MACROD2: variants seen among roughly 807,000 people sequenced by gnomAD.
MACROD2 encodes mono-ADP ribosylhydrolase 2.
A neutral mutation model predicts 70.4 loss-of-function variants in MACROD2; 36 were observed. That is an observed-to-expected ratio of 0.51 (90% CI 0.39 to 0.68). The LOEUF (loss-of-function observed/expected upper bound fraction) is 0.68. Ranked by LOEUF, MACROD2 falls within the 30% of genes least tolerant of loss-of-function variation. The pLI is 0.00. For missense variants in MACROD2, 496 were observed against 538.4 expected (o/e 0.92, Z 0.78); for synonymous variants, 172 against 178.8 (o/e 0.96, Z 0.30).
intron 3 of MACROD2, among the ~76,000 whole-genome samples, chr20:14,467,113 C>T (rs2084461582): frequency 6.6e-6 from 1 of 152,182 alleles, no homozygotes; most frequent in African/African-American, 2.4e-5. Context: ...TTTTGTTTGT[C>T]TGTGCCCTGC....
At chr20:15,697,938 A>C (rs2050399450) in intron 8 of MACROD2, among the ~76,000 whole-genome samples, 2 of 152,130 alleles carry the variant, frequency 1.3e-5, no homozygotes, top group South Asian at 2.1e-4. Context: ...CTTTAAGTTT[A>C]TGTGAGTCCT....
intron 8 of MACROD2, among the ~76,000 whole-genome samples, chr20:15,554,695 A>C (rs1160801587): frequency 6.6e-6 from 1 of 152,178 alleles, no homozygotes; most frequent in Non-Finnish European, 1.5e-5. Context: ...TATTATTTTT[A>C]AATTTCTTCT....
intron 3 of MACROD2, among the ~76,000 whole-genome samples, chr20:14,107,601 A>G (rs2054387399): frequency 6.6e-6 from 1 of 152,162 alleles, no homozygotes; most frequent in Non-Finnish European, 1.5e-5. Flanking sequence ...CAAACTCCCC[A>G]AAGTCAAAGA....
chr20:15,523,421 G>T (rs2146533518), intron 8 of MACROD2, among the ~76,000 whole-genome samples: 1 of 152,292 alleles, frequency 6.6e-6, no homozygotes, highest in Non-Finnish European at 1.5e-5. Flanking sequence ...GAATGCTGTT[G>T]GAAGGGCCTA....
intron 3 of MACROD2, among the ~76,000 whole-genome samples, chr20:14,187,099 T>G (rs1158447609): frequency 1.8e-5 from 2 of 108,222 alleles, no homozygotes; most frequent in African/African-American, 7.5e-5. Flanking sequence ...ACCCCGAACC[T>G]AAACTAAAAG....
chr20:14,547,889 T>G (rs1351237267), intron 4 of MACROD2, among the ~76,000 whole-genome samples: 1 of 152,162 alleles, frequency 6.6e-6, no homozygotes, highest in Non-Finnish European at 1.5e-5. Context: ...CTAATCATCC[T>G]GCAGTCTCGT....
chr20:15,923,749 T>C (rs73103558), intron 10 of MACROD2, among the ~76,000 whole-genome samples: 22,018 of 151,300 alleles, frequency 0.15, 1,715 homozygotes, highest in South Asian at 0.28. Flanking sequence ...AAGAGCTTCC[T>C]GTGCCTAAAA....
intron 3 of MACROD2, among the ~76,000 whole-genome samples, chr20:14,386,688 G>T (rs1286545866): frequency 6.6e-6 from 1 of 152,044 alleles, no homozygotes; most frequent in African/African-American, 2.4e-5. Context: ...GTTTCCTAAG[G>T]TCTCATCAGG....
At chr20:15,886,854 C>T (rs1374299282) in intron 10 of MACROD2, among the ~76,000 whole-genome samples, 1 of 152,028 alleles carries the variant, frequency 6.6e-6, no homozygotes, top group Non-Finnish European at 1.5e-5. Context: ...AGATAACATA[C>T]CTAAAGTTTC....
chr20:15,081,440 T>G (rs2075702888), intron 5 of MACROD2, among the ~76,000 whole-genome samples: 1 of 152,148 alleles, frequency 6.6e-6, no homozygotes, highest in East Asian at 1.9e-4. Flanking sequence ...TTAAATTTAT[T>G]TTTTCTGCTA....
chr20:15,975,334 C>G (rs6131751), intron 13 of MACROD2, among the ~76,000 whole-genome samples: 1 of 151,878 alleles, frequency 6.6e-6, no homozygotes, highest in Admixed American at 6.6e-5. Flanking sequence ...TTGGGAAAAC[C>G]TAATAAAAGG....
chr20:14,245,329 C>T (rs1296310781), intron 3 of MACROD2, among the ~76,000 whole-genome samples: 1 of 149,270 alleles, frequency 6.7e-6, no homozygotes, highest in Non-Finnish European at 1.5e-5. Flanking sequence ...TGCCACTGCA[C>T]TCCAGCCTGG....
intron 5 of MACROD2, among the ~76,000 whole-genome samples, chr20:14,885,014 G>A (rs1379072522): frequency 6.6e-6 from 1 of 152,068 alleles, no homozygotes; most frequent in Non-Finnish European, 1.5e-5. Flanking sequence ...CCAGGACATG[G>A]AACATACATC....
chr20:14,814,596 A>G (rs549069193), intron 5 of MACROD2, among the ~76,000 whole-genome samples: 2 of 152,160 alleles, frequency 1.3e-5, no homozygotes, highest in African/African-American at 4.8e-5. Flanking sequence ...GCCCTAAAAT[A>G]TGGAATATTT....
In MACROD2 at chr20:14,453,398, G is replaced by A. The variant is rs138421110; in HGVS notation, c.272-40081G>A. 1.5e-3 allele frequency among the ~76,000 whole-genome samples: 228 copies of A among 152,208 alleles called. 2 individuals carry two copies. Among genetic ancestry groups the A allele is most frequent in the Middle Eastern group, 6.8e-3 (2 of 294 alleles). ...GACTGTTTGGCTGTGTTGCTTTGGAGTGCTTTTTTTCCTGCTTACCTTGCA... is the reference window on the plus strand; with the variant it reads ...GACTGTTTGGCTGTGTTGCTTTGGAATGCTTTTTTTCCTGCTTACCTTGCA... On this transcript the variant is annotated intron_variant, in intron 3 of 17. Coordinates refer to ENST00000684519, the MANE Select transcript of MACROD2 (RefSeq NM_001351661.2).
chr20:15,791,445 T>A (rs6135520), intron 8 of MACROD2, among the ~76,000 whole-genome samples: 32,859 of 149,210 alleles, frequency 0.22, 3,489 homozygotes, highest in African/African-American at 0.22. Flanking sequence ...TGGGCAATTT[T>A]AAAAAAAAAA....
chr20:15,292,877 C>A (rs180892095), intron 6 of MACROD2, among the ~76,000 whole-genome samples: 1 of 151,578 alleles, frequency 6.6e-6, no homozygotes, highest in Non-Finnish European at 1.5e-5. Context: ...GGAAGATTTT[C>A]TTTGCCTTGT....
At position 15,993,300 on chromosome 20, in the gene MACROD2, A is replaced by G. The variant is rs549714794; in HGVS notation, c.1153+6142A>G. Among the ~76,000 whole-genome samples, 30 of 151,264 alleles carry G rather than the reference A, an allele frequency of 2.0e-4. 1 individual carries two copies. The highest frequency in any genetic ancestry group is 6.3e-4 in the African/African-American group (26 of 41,192). On this transcript the variant is annotated intron_variant, in intron 15 of 17. Transcript: ENST00000684519. ...ATCCATCTATCATCTATACAGTGAC[A>G]TTTTAGTCAACAACAGATCGTATAT...
intron 3 of MACROD2, among the ~76,000 whole-genome samples, chr20:14,259,863 C>T (rs139606283): frequency 9.5e-4 from 145 of 152,154 alleles, no homozygotes; most frequent in African/African-American, 3.3e-3. Flanking sequence ...AGAGGGGAGG[C>T]GGGGAAAACT....
Sources: gnomAD v4.1 joint callset for allele counts (sites outside exome capture counted in the v4.1 genomes callset) on GRCh38, gnomAD v4.1.1 for gene constraint, MANE v1.5 for transcripts, NCBI Gene and HGNC (gene_info 2026-07-23, HGNC 2026-07-21) for gene names.